OTUD7A: variants seen among roughly 807,000 people sequenced by gnomAD.
OTUD7A encodes the protein OTU deubiquitinase 7A.
OTUD7A carries 12 observed loss-of-function variants against 65.7 expected under a neutral mutation model. The ratio of observed to expected loss-of-function variants is 0.18; its 90% confidence interval spans 0.12 to 0.30. The LOEUF (loss-of-function observed/expected upper bound fraction) is 0.30. OTUD7A is among the 10% of genes least tolerant of loss of function. The pLI, the probability that OTUD7A is intolerant of heterozygous loss-of-function variation, is 1.00. For missense variants in OTUD7A, 1,148 were observed against 1,304.8 expected (o/e 0.88, Z 1.85); for synonymous variants, 641 against 586.3 (o/e 1.09, Z -1.35).
chr15:31,722,950 T>C (rs1467906360), intron 1 of OTUD7A, among the ~76,000 whole-genome samples: 7 of 152,156 alleles, frequency 4.6e-5, no homozygotes, highest in Non-Finnish European at 8.8e-5. Context: ...CTGACAGCAG[T>C]GTAGATGGGA....
chr15:31,780,223 T>C (rs763050057), intron 1 of OTUD7A, among the ~76,000 whole-genome samples: 4 of 152,194 alleles, frequency 2.6e-5, no homozygotes, highest in Non-Finnish European at 5.9e-5. Flanking sequence ...CACTGTTTTC[T>C]TCACTTCCAG....
At chr15:31,765,662 G>C (rs1895076877) in intron 1 of OTUD7A, 1 of 694,584 alleles carries the variant, frequency 1.4e-6, no homozygotes, top group African/African-American at 1.8e-5. Flanking sequence ...ATTAATGACA[G>C]ACTTCCTTTT....
At chr15:31,618,252 T>C (rs548033780) in intron 3 of OTUD7A, among the ~76,000 whole-genome samples, 87 of 152,338 alleles carry the variant, frequency 5.7e-4, no homozygotes, top group African/African-American at 2.0e-3. Flanking sequence ...TGTGCATGTG[T>C]CTTTATAGCA....
intron 3 of OTUD7A, among the ~76,000 whole-genome samples, chr15:31,579,736 G>A (rs529268999): frequency 6.6e-6 from 1 of 152,290 alleles, no homozygotes; most frequent in African/African-American, 2.4e-5. Context: ...GTATACACAT[G>A]CACACACATA....
chr15:31,661,894 T>C (rs1034890277), intron 1 of OTUD7A, among the ~76,000 whole-genome samples: 1 of 152,352 alleles, frequency 6.6e-6, no homozygotes, highest in Admixed American at 6.5e-5. Context: ...TCCGTCTTTT[T>C]CCCTCTGTTT....
intron 1 of OTUD7A, among the ~76,000 whole-genome samples, chr15:31,674,819 AT>A (rs1288960976): frequency 6.6e-6 from 1 of 152,190 alleles, no homozygotes; most frequent in Non-Finnish European, 1.5e-5. Context: ...AGGAAATAAC[AT>A]CTGCAAGTCC....
At chr15:31,632,121 G>A (rs112172243) in intron 3 of OTUD7A, among the ~76,000 whole-genome samples, 3 of 152,256 alleles carry the variant, frequency 2.0e-5, no homozygotes, top group East Asian at 3.9e-4. Flanking sequence ...GCTTTGTTCC[G>A]TTGCTGGTGA....
At chr15:31,513,727 G>T (rs982058426) in intron 8 of OTUD7A, among the ~76,000 whole-genome samples, 11 of 152,192 alleles carry the variant, frequency 7.2e-5, no homozygotes, top group African/African-American at 2.7e-4. Context: ...TCCCATCACT[G>T]GTGAGGTTGA....
chr15:31,852,920 G>A lies in OTUD7A; in HGVS notation c.-100+17587C>T, dbSNP rs140872731. ...GGTCACAGACTTCCAAAAGACAGGT[G>A]GTCACTCCAAGGCCACCAGGACCAG... On this transcript the variant is annotated intron_variant, in intron 1 of 12. Transcript: ENST00000307050. Among the ~76,000 whole-genome samples the A allele has an allele frequency of 8.9e-4, 135 of 152,270 alleles. 1 individual carries two copies. The highest frequency in any genetic ancestry group is 3.2e-3 in the African/African-American group (131 of 41,542).
chr15:31,736,041 C>T (rs1235998355), intron 1 of OTUD7A, among the ~76,000 whole-genome samples: 1 of 152,122 alleles, frequency 6.6e-6, no homozygotes, highest in African/African-American at 2.4e-5. Flanking sequence ...AGGGGAACAA[C>T]ACACACTGGG....
intron 1 of OTUD7A, among the ~76,000 whole-genome samples, chr15:31,783,522 G>A (rs1444200097): frequency 6.6e-6 from 1 of 152,138 alleles, no homozygotes; most frequent in Admixed American, 6.5e-5. Context: ...ACTTACAAAA[G>A]CCAAAGAACA....
chr15:31,593,081 T>C (rs1272690673), intron 3 of OTUD7A, among the ~76,000 whole-genome samples: 1 of 151,426 alleles, frequency 6.6e-6, no homozygotes, highest in Non-Finnish European at 1.5e-5. Flanking sequence ...TGTACATAGT[T>C]GTATGTGCTA....
At chr15:31,547,295 C>T (rs1888162222) in intron 5 of OTUD7A, among the ~76,000 whole-genome samples, 1 of 152,138 alleles carries the variant, frequency 6.6e-6, no homozygotes, top group African/African-American at 2.4e-5. Flanking sequence ...AGTCTATAAA[C>T]AAGGCTACAA....
intron 1 of OTUD7A, among the ~76,000 whole-genome samples, chr15:31,770,183 CA>C (rs1326674327): frequency 6.6e-6 from 1 of 151,896 alleles, no homozygotes; most frequent in Non-Finnish European, 1.5e-5. Flanking sequence ...GTCAGATTAC[CA>C]ATAATTCAAG....
chr15:31,751,545 C>G (rs73378634), intron 1 of OTUD7A, among the ~76,000 whole-genome samples: 2,429 of 152,216 alleles, frequency 0.016, 73 homozygotes, highest in African/African-American at 0.056. Context: ...CCATTCAATC[C>G]AACAATCCCA....
At position 31,507,476 on chromosome 15, in the gene OTUD7A, G is replaced by A. The variant is rs112807607; in HGVS notation, c.894-3658C>T. 4.3e-3 allele frequency among the ~76,000 whole-genome samples: 653 copies of A among 152,236 alleles called. 2 individuals carry two copies. The highest frequency in any genetic ancestry group is 0.015 in the African/African-American group (621 of 41,520). ...GGAGTTGGTTCCTTCCAGTGGCTTT[G>A]TGGTCTCACTGACTTCAAGAATGAA... On this transcript the variant is annotated intron_variant, in intron 8 of 12. Transcript: ENST00000307050.
intron 1 of OTUD7A, chr15:31,767,679 C>T (rs1188318007): frequency 1.4e-6 from 1 of 738,020 alleles, no homozygotes; most frequent in Non-Finnish European, 2.5e-6. Context: ...AGTTCTCTAT[C>T]ATCAACTGCA....
chr15:31,495,100 G>A (rs995684847), intron 10 of OTUD7A, among the ~76,000 whole-genome samples: 7 of 152,156 alleles, frequency 4.6e-5, no homozygotes, highest in African/African-American at 7.2e-5. Flanking sequence ...GACAGGCAGG[G>A]CTCCTGAGGG....
intron 4 of OTUD7A, among the ~76,000 whole-genome samples, chr15:31,565,338 A>G (rs1888832544): frequency 6.6e-6 from 1 of 152,206 alleles, no homozygotes; most frequent in African/African-American, 2.4e-5. Context: ...TATCCAAGTG[A>G]TTCTCTTAGT....
Sources: allele counts gnomAD v4.1 joint callset (sites outside exome capture counted in the v4.1 genomes callset), GRCh38; gene constraint gnomAD v4.1.1; transcripts MANE v1.5; gene names NCBI Gene and HGNC (gene_info 2026-07-23, HGNC 2026-07-21).